Variants in MAGI2 observed in about 807,000 individuals in gnomAD.
MAGI2 encodes the protein membrane associated guanylate kinase, WW and PDZ domain containing 2, also known as membrane-associated guanylate kinase, WW and PDZ domain-containing protein 2.
Under a neutral mutation model 133.3 loss-of-function variants are expected in MAGI2, and 35 were observed. That is an observed-to-expected ratio of 0.26 (90% CI 0.20 to 0.35). The LOEUF is 0.35. Among genes scored for constraint, MAGI2 ranks in the 10% least tolerant of loss-of-function variants. The probability of loss-of-function intolerance (pLI) is 1.00; values close to 1 mark genes in which losing one functional copy is unlikely to be tolerated. For synonymous variants in MAGI2, 729 were observed against 710.6 expected (o/e 1.03, Z -0.41); for missense variants, 1,636 against 1,863.4 (o/e 0.88, Z 2.25).
At chr7:78,700,933 A>G (rs1300358057) in intron 2 of MAGI2, among the ~76,000 whole-genome samples, 1 of 149,110 alleles carries the variant, frequency 6.7e-6, no homozygotes, top group Non-Finnish European at 1.5e-5. Context: ...TAAATTTAGT[A>G]TAGTAAGTGT....
intron 1 of MAGI2, among the ~76,000 whole-genome samples, chr7:79,137,972 G>A (rs1821748845): frequency 6.6e-6 from 1 of 152,154 alleles, no homozygotes; most frequent in Non-Finnish European, 1.5e-5. Context: ...ACACTTACAA[G>A]AGACAGGTAC....
intron 9 of MAGI2, among the ~76,000 whole-genome samples, chr7:78,295,853 T>C (rs948548966): frequency 6.6e-6 from 1 of 152,136 alleles, no homozygotes; most frequent in Non-Finnish European, 1.5e-5. Flanking sequence ...ACTGCTTCTC[T>C]GTGAGTCTTT....
At chr7:78,799,001 T>C (rs1365673633) in intron 2 of MAGI2, among the ~76,000 whole-genome samples, 1 of 152,186 alleles carries the variant, frequency 6.6e-6, no homozygotes, top group Non-Finnish European at 1.5e-5. Context: ...ATTTCTATGT[T>C]TCATTGATGA....
intron 3 of MAGI2, among the ~76,000 whole-genome samples, chr7:78,536,990 C>T (rs1473557538): frequency 1.3e-5 from 2 of 151,948 alleles, no homozygotes; most frequent in Non-Finnish European, 2.9e-5. Context: ...GTCCTCAGTC[C>T]GTTGTATCAT....
chr7:79,402,368 A>T (rs780594718), intron 1 of MAGI2, among the ~76,000 whole-genome samples: 1 of 152,160 alleles, frequency 6.6e-6, no homozygotes, highest in Non-Finnish European at 1.5e-5. Flanking sequence ...AGAGGGAGGG[A>T]CATAGGAAGG....
chr7:78,205,224 C>T (rs934566970), intron 10 of MAGI2, among the ~76,000 whole-genome samples: 1 of 152,192 alleles, frequency 6.6e-6, no homozygotes, highest in African/African-American at 2.4e-5. Flanking sequence ...CTCTACCTCC[C>T]AGGCTAAAGC....
intron 2 of MAGI2, among the ~76,000 whole-genome samples, chr7:78,804,253 T>C (rs1049134760): frequency 6.6e-6 from 1 of 152,106 alleles, no homozygotes; most frequent in Non-Finnish European, 1.5e-5. Context: ...CCCTTTGGCA[T>C]AGTAGTATAA....
At chr7:78,108,213 T>A (rs914082463) in intron 20 of MAGI2, among the ~76,000 whole-genome samples, 5 of 152,184 alleles carry the variant, frequency 3.3e-5, no homozygotes, top group African/African-American at 1.2e-4. Context: ...AATTTTCTTA[T>A]TAATTTTTGT....
chr7:78,955,400 C>T (rs1288282982), intron 2 of MAGI2, among the ~76,000 whole-genome samples: 1 of 151,964 alleles, frequency 6.6e-6, no homozygotes, highest in Non-Finnish European at 1.5e-5. Flanking sequence ...TACTCAAATG[C>T]TGAGCATATA....
intron 2 of MAGI2, among the ~76,000 whole-genome samples, chr7:78,834,713 C>T (rs1791466342): frequency 6.6e-6 from 1 of 152,126 alleles, no homozygotes; most frequent in African/African-American, 2.4e-5. Context: ...TATTTGTCCC[C>T]ACCCAAATTG....
intron 2 of MAGI2, among the ~76,000 whole-genome samples, chr7:78,650,919 C>T (rs991551232): frequency 3.9e-5 from 6 of 152,136 alleles, no homozygotes; most frequent in Non-Finnish European, 8.8e-5. Flanking sequence ...AGTGTCACCT[C>T]ACACTGCAAA....
At position 78,178,598 on chromosome 7, in the gene MAGI2, G is replaced by A. The variant is rs1364644626; in HGVS notation, c.2312-496C>T. On this transcript the variant is annotated intron_variant, in intron 13 of 21. Transcript: ENST00000354212. ...AGTTTAGGAGTGTGTGTGTGTGTGT[G>A]TGTGTGTGTGTAGGGTATAAACGTA... Among the ~76,000 whole-genome samples the A allele has an allele frequency of 2.0e-5, 3 of 152,038 alleles. No homozygotes were observed. In the East Asian group the frequency reaches 5.8e-4, roughly 29 times the overall value.
intron 1 of MAGI2, among the ~76,000 whole-genome samples, chr7:79,135,866 A>G (rs932255199): frequency 1.3e-5 from 2 of 151,156 alleles, no homozygotes; most frequent in Non-Finnish European, 1.5e-5. Context: ...ATTTGAGCCC[A>G]GGAGTTTGAG....
At chr7:78,364,522 A>G (rs995942049) in intron 7 of MAGI2, among the ~76,000 whole-genome samples, 3 of 152,326 alleles carry the variant, frequency 2.0e-5, no homozygotes, top group African/African-American at 4.8e-5. Context: ...ATAGTAGCAG[A>G]TGTGTGACAT....
At chr7:78,827,478 T>G (rs1330101549) in intron 2 of MAGI2, among the ~76,000 whole-genome samples, 1 of 152,066 alleles carries the variant, frequency 6.6e-6, no homozygotes, top group Non-Finnish European at 1.5e-5. Flanking sequence ...GGGTCTTGTA[T>G]GTTGCCTAGG....
At chr7:78,640,234 G>A (rs921338998) in intron 2 of MAGI2, among the ~76,000 whole-genome samples, 2 of 152,064 alleles carry the variant, frequency 1.3e-5, no homozygotes, top group Admixed American at 1.3e-4. Context: ...AATCATTTGA[G>A]ACTCCTGCTG....
chr7:78,953,853 C>G (rs180772467), intron 2 of MAGI2, among the ~76,000 whole-genome samples: 12 of 152,208 alleles, frequency 7.9e-5, no homozygotes, highest in Middle Eastern at 3.4e-3. Flanking sequence ...TAACTTGCTA[C>G]ATTTTTCATC....
chr7:78,477,433 T>G (rs1025354918), intron 6 of MAGI2, among the ~76,000 whole-genome samples: 1 of 152,038 alleles, frequency 6.6e-6, no homozygotes, highest in Non-Finnish European at 1.5e-5. Context: ...TAGTCTGTTC[T>G]CACGCTGCTA....
chr7:79,388,752 T>G (rs1844382592), intron 1 of MAGI2, among the ~76,000 whole-genome samples: 1 of 151,288 alleles, frequency 6.6e-6, no homozygotes, highest in African/African-American at 2.4e-5. Flanking sequence ...ATAATCAGGC[T>G]AAATCAGAGA....
Sources: allele counts gnomAD v4.1 joint callset (sites outside exome capture counted in the v4.1 genomes callset), GRCh38; gene constraint gnomAD v4.1.1; transcripts MANE v1.5; gene names NCBI Gene and HGNC (gene_info 2026-07-23, HGNC 2026-07-21).